The following ADGRG4 variants were observed in gnomAD, a reference collection of about 807,000 sequenced individuals.
ADGRG4 encodes G protein-coupled receptor 112.
Under a neutral mutation model 126.2 loss-of-function variants are expected in ADGRG4, and 122 were observed. That is an observed-to-expected ratio of 0.97 (90% CI 0.83 to 1.12). The LOEUF (loss-of-function observed/expected upper bound fraction) is 1.12, where lower values mean the gene tolerates loss of function less well. Among genes scored for constraint, ADGRG4 ranks in the 50% most tolerant of loss-of-function variants. The pLI, the probability that ADGRG4 is intolerant of heterozygous loss-of-function variation, is 0.00. For synonymous variants in ADGRG4, 943 were observed against 838.7 expected (o/e 1.12, Z -2.15); for missense variants, 2,481 against 2,251.8 (o/e 1.10, Z -2.06).
intron 4 of ADGRG4, among the ~76,000 whole-genome samples, chrX:136,319,783 C>T (rs1420063659): frequency 9.1e-6 from 1 of 109,470 alleles, no homozygotes; most frequent in African/African-American, 3.3e-5. Context: ...TATCTGTCTA[C>T]CTATCCATTC....
At chrX:136,309,869 G>C (rs1453912065) in intron 4 of ADGRG4, among the ~76,000 whole-genome samples, 1 of 111,888 alleles carries the variant, frequency 8.9e-6, no homozygotes, top group Non-Finnish European at 1.9e-5. Context: ...CACAGGCCTT[G>C]ACACACAGTT....
chrX:136,359,177 T>A, intron 10 of ADGRG4, 115 bp from the exon 11 acceptor site: 1 of 585,273 alleles, frequency 1.7e-6, no homozygotes, highest in East Asian at 3.4e-5. Flanking sequence ...CTGTAAAATG[T>A]TTGACATTTA....
Position 136,345,168 on chromosome X carries a change from C to A in ADGRG4, c.1462C>A (p.Gln488Lys). 1 of 1,210,725 alleles carries A rather than the reference C, an allele frequency of 8.3e-7. No homozygotes were observed. Reference sequence around the variant, plus strand: ...AGTAGATTCTGTATTTCCTAGAAACCAGACAGCATTTCCATTGGCAACAAC... The same window carrying A: ...AGTAGATTCTGTATTTCCTAGAAACAAGACAGCATTTCCATTGGCAACAAC... ...APVDSVFPRN[Q>K]TAFPLATTDM... The change falls in exon 6 of 26, where the codon CAG (glutamine) becomes AAG (lysine). Residue 488 changes from glutamine (Q) to lysine (K), a missense_variant. Coordinates refer to ENST00000394143, the MANE Select transcript of ADGRG4 (RefSeq NM_153834.4).
intron 4 of ADGRG4, among the ~76,000 whole-genome samples, chrX:136,314,008 T>A (rs1323751618): frequency 9.0e-6 from 1 of 111,422 alleles, no homozygotes; most frequent in African/African-American, 3.3e-5. Flanking sequence ...TTTCTCTCAC[T>A]CTCCACATCT....
Position 136,405,989 on chromosome X carries a change from T to G in ADGRG4, c.8935+17T>G, listed in dbSNP as rs758168651. 1.8e-6 allele frequency: 2 copies of G among 1,128,484 alleles called. No individual in the cohort carries two copies. Among genetic ancestry groups the G allele is most frequent in the South Asian group, 2.3e-5 (1 of 43,326 alleles). 93.0% of individuals were successfully genotyped at this position (1,128,484 alleles called of 1,213,427 possible). A position where few individuals can be genotyped will look rare whatever the true frequency, so the allele number is the denominator to read the frequency against. ...CTTTGCAAGGTAACTGGTGCTTTTT[T>G]GCCTTTTCTGTGGCCAGCTACACAT... On this transcript the variant is annotated intron_variant, in intron 23 of 25. Transcript: ENST00000394143.
chrX:136,308,936 G>T, intron 4 of ADGRG4, 89 bp downstream of exon 4: 1 of 572,194 alleles, frequency 1.7e-6, no homozygotes, highest in Non-Finnish European at 2.9e-6. Context: ...TACCAATGGA[G>T]ATTTGCTGGG....
At chrX:136,333,173 T>C (rs1361497311) in intron 5 of ADGRG4, among the ~76,000 whole-genome samples, 1 of 111,519 alleles carries the variant, frequency 9.0e-6, no homozygotes, top group Non-Finnish European at 1.9e-5. Context: ...CCTTACACCT[T>C]ATACAAAAAT....
chrX:136,358,162 G>A (rs979545565), intron 10 of ADGRG4, among the ~76,000 whole-genome samples: 8 of 111,172 alleles, frequency 7.2e-5, no homozygotes, highest in African/African-American at 2.6e-4. Context: ...TGATCTGTTC[G>A]ACGCACATCA....
chrX:136,404,746 C>T (rs760673715), intron 22 of ADGRG4, among the ~76,000 whole-genome samples: 6 of 111,919 alleles, frequency 5.4e-5, no homozygotes, highest in Middle Eastern at 9.3e-3. Context: ...TTTTCTGTGG[C>T]GTCTTTTAAG....
chrX:136,335,236 G>A (rs934884882), intron 5 of ADGRG4, among the ~76,000 whole-genome samples: 18 of 110,907 alleles, frequency 1.6e-4, no homozygotes, highest in African/African-American at 5.9e-4. Flanking sequence ...ATCCCACTTG[G>A]TCATGGTATA....
chrX:136,401,373 C>T, intron 21 of ADGRG4, among the ~76,000 whole-genome samples: 1 of 111,730 alleles, frequency 9.0e-6, no homozygotes, highest in East Asian at 2.8e-4. Flanking sequence ...CCTGGCTTTC[C>T]TTCTCCCTCA....
Position 136,347,686 on chromosome X carries a change from A to C in ADGRG4, c.3980A>C (p.Asn1327Thr). 1 of 1,210,179 alleles carries C rather than the reference A, an allele frequency of 8.3e-7. No individual in the cohort carries two copies. The highest frequency in any genetic ancestry group is 1.1e-6 in the Non-Finnish European group (1 of 894,246). ...CCACTTGGGACTCCCTCTGATGGAA[A>C]TTTGGCTTCATCTCCCACTTCTGGA... ...EIPLGTPSDGNLASSPTSGST... is the reference protein window; with the variant it reads ...EIPLGTPSDGTLASSPTSGST... The change falls in exon 6 of 26, where the codon AAT becomes ACT. Residue 1327 changes from asparagine to threonine, a missense_variant. Asn to Thr is a moderately conservative substitution (Grantham distance 65). Coordinates refer to ENST00000394143, the MANE Select transcript of ADGRG4 (RefSeq NM_153834.4).
In ADGRG4 at chrX:136,405,711, T is replaced by A; in HGVS notation, c.8674T>A (p.Ser2892Thr). ...TTPFCWIKDD[S>T]IFYISVVAYF... ...TTACAGTTGTTGGATTAAAGATGAT[T>A]CTATCTTTTACATCTCAGTGGTGGC... is the stretch of plus-strand genomic sequence containing the variant. The change falls in exon 23 of 26, where the codon TCT (serine) becomes ACT (threonine). Residue 2892 changes from serine (S) to threonine (T), a missense_variant. Physicochemically the swap from Ser to Thr is moderately conservative, Grantham distance 58. Transcript: ENST00000394143. 8.5e-7 allele frequency: 1 copy of A among 1,173,976 alleles called. No individual in the cohort carries two copies. Among genetic ancestry groups the A allele is most frequent in the Non-Finnish European group, 1.1e-6 (1 of 872,478 alleles).
intron 11 of ADGRG4, among the ~76,000 whole-genome samples, chrX:136,360,168 T>C (rs2075119053): frequency 9.0e-6 from 1 of 111,149 alleles, no homozygotes; most frequent in South Asian, 3.8e-4. Context: ...ATGACACTAA[T>C]GAATGTGTCC....
chrX:136,415,463 G>C (rs1402623014), intron 25 of ADGRG4, among the ~76,000 whole-genome samples: 1 of 111,392 alleles, frequency 9.0e-6, no homozygotes, highest in Non-Finnish European at 1.9e-5. Flanking sequence ...GCCAGTTTCA[G>C]GACCGTGTAT....
At chrX:136,351,649 T>C (rs1259310016) in intron 7 of ADGRG4, 108 bp downstream of exon 7, 1 of 334,028 alleles carries the variant, frequency 3.0e-6, no homozygotes, top group East Asian at 5.2e-5. Flanking sequence ...TTTCTACCAA[T>C]AATAAATTTC....
intron 21 of ADGRG4, among the ~76,000 whole-genome samples, chrX:136,402,292 T>A (rs1275181703): frequency 1.8e-5 from 2 of 111,954 alleles, no homozygotes; most frequent in African/African-American, 6.5e-5. Flanking sequence ...ATCTTTTTTT[T>A]TTATTTTCAA....
At chrX:136,338,285 G>A (rs2074959584) in intron 5 of ADGRG4, among the ~76,000 whole-genome samples, 1 of 109,417 alleles carries the variant, frequency 9.1e-6, no homozygotes. Flanking sequence ...AGCCTCCTGA[G>A]TATCTGGCAC....
intron 13 of ADGRG4, among the ~76,000 whole-genome samples, chrX:136,368,184 G>A (rs749644840): frequency 8.9e-6 from 1 of 112,387 alleles, no homozygotes; most frequent in African/African-American, 3.2e-5. Flanking sequence ...TTTGGAATTA[G>A]CACTGGGTTA....
Sources: allele counts gnomAD v4.1 joint callset (sites outside exome capture counted in the v4.1 genomes callset), GRCh38; gene constraint gnomAD v4.1.1; transcripts MANE v1.5; gene names NCBI Gene and HGNC (gene_info 2026-07-23, HGNC 2026-07-21).